Variants in YPEL2 observed in about 807,000 individuals in gnomAD.
The protein encoded by YPEL2 is yippee like 2, also known as protein yippee-like 2.
YPEL2 carries 2 observed loss-of-function variants against 19.1 expected under a neutral mutation model. That is an observed-to-expected ratio of 0.10 (90% CI 0.04 to 0.33). YPEL2 has a LOEUF of 0.33. Ranked by LOEUF, YPEL2 falls within the 10% of genes least tolerant of loss-of-function variation. The probability of loss-of-function intolerance (pLI) is 1.00; values close to 1 mark genes in which losing one functional copy is unlikely to be tolerated. For missense variants in YPEL2, 66 were observed against 140.7 expected, an observed-to-expected ratio of 0.47 and a Z score of 2.68; for synonymous variants, 52 against 50.0, an observed-to-expected ratio of 1.04 and a Z score of -0.17.
At chr17:59,387,257 TAAAAAAA>T (rs373789547) in intron 2 of YPEL2, among the ~76,000 whole-genome samples, 88 of 77,570 alleles carry the variant, frequency 1.1e-3, no homozygotes, top group Admixed American at 1.9e-3. Context: ...AGACTCCATC[TAAAAAAA>T]AAAAAAAAAA....
At chr17:59,350,290 G>A (rs1229382915) in intron 1 of YPEL2, among the ~76,000 whole-genome samples, 4 of 152,076 alleles carry the variant, frequency 2.6e-5, no homozygotes, top group Non-Finnish European at 5.9e-5. Flanking sequence ...AGCTGGTCTC[G>A]AACTCTTGGG....
At chr17:59,388,243 A>G (rs2047990769) in intron 2 of YPEL2, 84 bp from the exon 3 acceptor site, 2 of 1,350,118 alleles carry the variant, frequency 1.5e-6, no homozygotes, top group African/African-American at 1.4e-5. Flanking sequence ...CTGGAAGGTC[A>G]TGCTTAACTG....
intron 2 of YPEL2, among the ~76,000 whole-genome samples, chr17:59,368,912 T>C (rs1186235038): frequency 2.6e-5 from 4 of 152,224 alleles, no homozygotes; most frequent in African/African-American, 9.6e-5. Context: ...GTAGTGGGCA[T>C]TGATAACATG....
In YPEL2 at chr17:59,400,868, TGTTTCTGAGTGGACCAACAGCA is replaced by T. The variant is rs2048067650; in HGVS notation, c.*3680_*3701del. On this transcript the variant is annotated 3_prime_UTR_variant, in exon 5 of 5. Transcript: ENST00000312655. ...TCTTCTCTTTCTCTCTGGTTGTTTC[TGTTTCTGAGTGGACCAACAGCA>T]GAACCCACGAGGATTTGTTTTGAGT... 1 of 152,806 alleles carries T rather than the reference TGTTTCTGAGTGGACCAACAGCA, an allele frequency of 6.5e-6. No homozygotes were observed. The highest frequency in any genetic ancestry group is 1.5e-5 in the Non-Finnish European group (1 of 68,042). 9.5% of individuals were successfully genotyped at this position (152,806 alleles called of 1,614,324 possible). A position where few individuals can be genotyped will look rare whatever the true frequency, so the allele number is the denominator to read the frequency against.
intron 2 of YPEL2, among the ~76,000 whole-genome samples, chr17:59,359,322 A>G (rs2047828917): frequency 6.6e-6 from 1 of 152,206 alleles, no homozygotes; most frequent in Non-Finnish European, 1.5e-5. Context: ...ATAGGAACAT[A>G]ATTTCTAAAA....
At chr17:59,332,624 C>T (rs766203805) in intron 1 of YPEL2, among the ~76,000 whole-genome samples, 1 of 151,944 alleles carries the variant, frequency 6.6e-6, no homozygotes, top group Non-Finnish European at 1.5e-5. Context: ...TGGGGGCGTG[C>T]GGGGGTGGGG....
chr17:59,378,830 G>A (rs1054939484), intron 2 of YPEL2, among the ~76,000 whole-genome samples: 5 of 152,236 alleles, frequency 3.3e-5, no homozygotes, highest in African/African-American at 9.6e-5. Flanking sequence ...GTGAGTGCTT[G>A]GAGACTACCA....
intron 1 of YPEL2, among the ~76,000 whole-genome samples, chr17:59,346,702 A>G (rs1374992218): frequency 6.6e-6 from 1 of 152,156 alleles, no homozygotes; most frequent in African/African-American, 2.4e-5. Context: ...GCCTACCTCT[A>G]GTAGAGGATA....
intron 1 of YPEL2, among the ~76,000 whole-genome samples, chr17:59,340,597 AGTAGAGACGGG>A (rs1237952279): frequency 6.6e-6 from 1 of 150,496 alleles, no homozygotes; most frequent in Non-Finnish European, 1.5e-5. Context: ...TTATACTTTC[AGTAGAGACGGG>A]GTTTCACCGT....
At chr17:59,367,581 C>T (rs777189403) in intron 2 of YPEL2, among the ~76,000 whole-genome samples, 1 of 152,106 alleles carries the variant, frequency 6.6e-6, no homozygotes, top group Non-Finnish European at 1.5e-5. Flanking sequence ...TTTACTTAAC[C>T]CTAGGTAAGA....
chr17:59,346,931 A>G (rs1026938608), intron 1 of YPEL2, among the ~76,000 whole-genome samples: 1 of 152,200 alleles, frequency 6.6e-6, no homozygotes, highest in Non-Finnish European at 1.5e-5. Context: ...GAGGGGACCT[A>G]CAAGGAGTGG....
intron 2 of YPEL2, among the ~76,000 whole-genome samples, chr17:59,364,865 C>T (rs1256570788): frequency 6.6e-6 from 1 of 152,162 alleles, no homozygotes; most frequent in Non-Finnish European, 1.5e-5. Context: ...CTCCTGACCT[C>T]AGGTGATCCA....
At chr17:59,378,304 T>G (rs1567753431) in intron 2 of YPEL2, among the ~76,000 whole-genome samples, 2 of 114,096 alleles carry the variant, frequency 1.8e-5, no homozygotes, top group Non-Finnish European at 3.4e-5. Context: ...GAAGGGAATT[T>G]GAAAGTCTGA....
chr17:59,394,791 TG>T (rs2048029800), intron 4 of YPEL2, among the ~76,000 whole-genome samples: 1 of 152,224 alleles, frequency 6.6e-6, no homozygotes, highest in South Asian at 2.1e-4. Context: ...CACTTCAGCC[TG>T]GGCACCATTG....
intron 2 of YPEL2, among the ~76,000 whole-genome samples, chr17:59,365,236 C>T (rs1184758091): frequency 1.3e-5 from 2 of 152,158 alleles, no homozygotes; most frequent in South Asian, 2.1e-4. Context: ...TGTCATCTGT[C>T]GTCTTTTGAG....
At chr17:59,349,091 G>A (rs867556026) in intron 1 of YPEL2, among the ~76,000 whole-genome samples, 16 of 149,200 alleles carry the variant, frequency 1.1e-4, no homozygotes, top group Middle Eastern at 3.4e-3. Context: ...GGAGAATGGC[G>A]TGAACCCGGG....
At chr17:59,375,365 C>T (rs566484609) in intron 2 of YPEL2, among the ~76,000 whole-genome samples, 1 of 152,316 alleles carries the variant, frequency 6.6e-6, no homozygotes, top group Non-Finnish European at 1.5e-5. Context: ...CTGAAGCATT[C>T]TTCAGTATTC....
At chr17:59,394,912 C>T (rs2048030576) in intron 4 of YPEL2, among the ~76,000 whole-genome samples, 1 of 152,248 alleles carries the variant, frequency 6.6e-6, no homozygotes, top group Non-Finnish European at 1.5e-5. Flanking sequence ...CACAGCGAAA[C>T]CCCGTCTCCA....
intron 2 of YPEL2, among the ~76,000 whole-genome samples, chr17:59,387,175 G>A (rs1172284353): frequency 6.9e-6 from 1 of 144,750 alleles, no homozygotes; most frequent in African/African-American, 2.6e-5. Flanking sequence ...CAGGACACTC[G>A]CTTGAACTCA....
Sources: allele counts gnomAD v4.1 joint callset (sites outside exome capture counted in the v4.1 genomes callset), GRCh38; gene constraint gnomAD v4.1.1; transcripts MANE v1.5; gene names NCBI Gene and HGNC (gene_info 2026-07-23, HGNC 2026-07-21).